Variants in M6PR observed in about 807,000 individuals in gnomAD.
M6PR encodes the protein mannose-6-phosphate receptor, cation dependent.
M6PR carries 19 observed loss-of-function variants against 33.1 expected under a neutral mutation model. That is an observed-to-expected ratio of 0.57 (90% CI 0.40 to 0.84). M6PR has a LOEUF of 0.84. M6PR is among the 40% of genes least tolerant of loss of function. M6PR has a pLI of 0.00. For missense variants in M6PR, 295 were observed against 336.0 expected (o/e 0.88, Z 0.95); for synonymous variants, 111 against 123.4 (o/e 0.90, Z 0.67).
In M6PR at chr12:8,945,592, G is replaced by A; in HGVS notation, c.177-8C>T. ...CCCACAGTGCTCTCAAAGCTGTAAA[G>A]AGAAGTGGGAAGAAAGAAGAGGAGA... On this transcript the variant is annotated splice_region_variant and splice_polypyrimidine_tract_variant and intron_variant, in intron 2 of 6. Coordinates refer to ENST00000000412, the MANE Select transcript of M6PR (RefSeq NM_002355.4). 1 of 1,612,244 alleles carries A rather than the reference G, an allele frequency of 6.2e-7. No individual in the cohort carries two copies. The highest frequency in any genetic ancestry group is 8.5e-7 in the Non-Finnish European group (1 of 1,178,836).
Position 8,942,385 on chromosome 12 carries a change from T to G in M6PR, c.711+31A>C, listed in dbSNP as rs41314135. On this transcript the variant is annotated intron_variant, in intron 6 of 6. Coordinates refer to ENST00000000412, the MANE Select transcript of M6PR (RefSeq NM_002355.4). ...TGGTCACCCAACCTTGTTTGCAGGC[T>G]ACAAATTCAACCAGCTGCCCTGTTA... 8.6e-4 allele frequency: 1,389 copies of G among 1,614,066 alleles called. 22 individuals are homozygous for G. In the East Asian group the frequency reaches 0.029, roughly 33 times the overall value.
At position 8,949,504 on chromosome 12, in the gene M6PR, G is replaced by A. The variant is rs969186941; in HGVS notation, c.-18C>T. 6.6e-6 allele frequency: 1 copy of A among 152,092 alleles called. No individual in the cohort carries two copies. 9.4% of individuals were successfully genotyped at this position (152,092 alleles called of 1,614,324 possible). A position where few individuals can be genotyped will look rare whatever the true frequency, so the allele number is the denominator to read the frequency against. ...CACACTCACGTGTCGTGGGAAACTG[G>A]AGTAGCCAAAGCTCAGAATCCCCAG... On this transcript the variant is annotated 5_prime_UTR_variant, in exon 1 of 7. Transcript: ENST00000000412. The surrounding 1 kb of genome is among the most constrained non-coding windows in gnomAD (Gnocchi z 5.6).
chr12:8,948,530 T>C (rs1946138957), intron 1 of M6PR, among the ~76,000 whole-genome samples: 1 of 152,182 alleles, frequency 6.6e-6, no homozygotes, highest in South Asian at 2.1e-4. Context: ...GAGAATGAAA[T>C]GGAAGGGCCC....
At position 8,942,359 on chromosome 12, in the gene M6PR, T is replaced by C. The variant is rs139206141; in HGVS notation, c.711+57A>G. On this transcript the variant is annotated intron_variant, in intron 6 of 6. Coordinates refer to ENST00000000412, the MANE Select transcript of M6PR (RefSeq NM_002355.4). Reference sequence around the variant, plus strand: ...CCTCAGTGTGAACAAACGAGGATGGTTGGTCACCCAACCTTGTTTGCAGGC... The same window carrying C: ...CCTCAGTGTGAACAAACGAGGATGGCTGGTCACCCAACCTTGTTTGCAGGC... The C allele has an allele frequency of 3.7e-6, 6 of 1,613,228 alleles. No individual in the cohort carries two copies. In the African/African-American group the frequency reaches 4.0e-5, roughly 11 times the overall value.
At chr12:8,943,032 C>G (rs1946044701) in intron 5 of M6PR, among the ~76,000 whole-genome samples, 1 of 151,568 alleles carries the variant, frequency 6.6e-6, no homozygotes, top group Non-Finnish European at 1.5e-5. Context: ...CAGCTCACTG[C>G]AACCTCCACC....
At chr12:8,943,939 T>C (rs914179556) in intron 3 of M6PR, 29 bp from the exon 4 acceptor site, 15 of 1,477,592 alleles carry the variant, frequency 1.0e-5, no homozygotes, top group African/African-American at 8.3e-5. Flanking sequence ...AATGGAGCTA[T>C]GGGGTGGGGG....
At chr12:8,942,047 GATA>G in intron 6 of M6PR, 107 bp from the exon 7 acceptor site, 1 of 1,241,636 alleles carries the variant, frequency 8.1e-7, no homozygotes. Flanking sequence ...TTTCTATAGG[GATA>G]ATGAGAAAAC....
chr12:8,945,548 G>A lies in M6PR; in HGVS notation c.213C>T (p.Tyr71=), dbSNP rs1946082290. 8 of 1,614,138 alleles carry A rather than the reference G, an allele frequency of 5.0e-6. No homozygotes were observed. The highest frequency in any genetic ancestry group is 5.9e-6 in the Non-Finnish European group (7 of 1,180,038). The change falls in exon 3 of 7, where the codon TAC becomes TAT. Residue 71 remains tyrosine (Y), a synonymous_variant. Coordinates refer to ENST00000000412, the MANE Select transcript of M6PR (RefSeq NM_002355.4). The part of the protein sequence containing the change: ...ESTVGQGSDT[Y]IYIFRVCREA... ...CCCGGCACACCCTGAAGATGTAGATGTATGTGTCTGAACCCTGGCCCACAG... is the reference window on the plus strand; with the variant it reads ...CCCGGCACACCCTGAAGATGTAGATATATGTGTCTGAACCCTGGCCCACAG...
At chr12:8,942,257 C>T in intron 6 of M6PR, 159 bp downstream of exon 6, 1 of 941,372 alleles carries the variant, frequency 1.1e-6, no homozygotes, top group East Asian at 2.6e-5. Context: ...CCACTTACTA[C>T]TCTGTACTAG....
rs745971842 is a variant in M6PR at position 8,945,663 on chromosome 12, T to G, written c.177-79A>C. ...GGAATAACAGCATCCCTTTCCTTAA[T>G]TAAAACAAAACAAACAACATGCTCG... On this transcript the variant is annotated intron_variant, in intron 2 of 6. Coordinates refer to ENST00000000412, the MANE Select transcript of M6PR (RefSeq NM_002355.4). The G allele has an allele frequency of 1.2e-4, 140 of 1,203,274 alleles. No individual in the cohort carries two copies. The African/African-American group carries it at 1.8e-3, about 16-fold the overall frequency. The allele number at this position is 1,203,274 out of a possible 1,614,324, so 74.5% of individuals were successfully genotyped here. A position where few individuals can be genotyped will look rare whatever the true frequency, so the allele number is the denominator to read the frequency against.
rs1945998828 is a variant in M6PR, at chr12:8,941,196, A to G, written c.*622T>C. 1 of 172,438 alleles carries G rather than the reference A, an allele frequency of 5.8e-6. No homozygotes were observed. Among genetic ancestry groups the G allele is most frequent in the Non-Finnish European group, 1.3e-5 (1 of 79,990 alleles). 10.7% of individuals were successfully genotyped at this position (172,438 alleles called of 1,614,324 possible). On this transcript the variant is annotated 3_prime_UTR_variant, in exon 7 of 7. Coordinates refer to ENST00000000412, the MANE Select transcript of M6PR (RefSeq NM_002355.4). The stretch of plus-strand genomic sequence containing the variant: ...TCCACAAATGATGTGATGGTACCGT[A>G]TAATCCTGTAATTGGGAAATTTCAC...
In M6PR at chr12:8,946,269, A is replaced by G. The variant is rs201993451; in HGVS notation, c.136T>C (p.Leu46=). 1.8e-5 allele frequency: 29 copies of G among 1,614,022 alleles called. No individual in the cohort carries two copies. The East Asian group carries it at 4.7e-4, about 26-fold the overall frequency. ...GGTTTCAGCCTCTTCACTAGAGCCAACTCTTTCTCTGACTCTTTACCCTTT... is the reference window on the plus strand; with the variant it reads ...GGTTTCAGCCTCTTCACTAGAGCCAGCTCTTTCTCTGACTCTTTACCCTTT... The part of the protein sequence containing the change: ...GEKGKESEKE[L]ALVKRLKPLF... The change falls in exon 2 of 7, where the codon TTG becomes CTG. Residue 46 remains leucine (L), a synonymous_variant. Coordinates refer to ENST00000000412, the MANE Select transcript of M6PR (RefSeq NM_002355.4).
chr12:8,947,928 C>T (rs911072074), intron 1 of M6PR, among the ~76,000 whole-genome samples: 38 of 151,952 alleles, frequency 2.5e-4, no homozygotes, highest in Admixed American at 3.3e-4. Context: ...AGACCTCCAA[C>T]TCCCACCTTC....
Position 8,942,460 on chromosome 12 carries a change from A to T in M6PR, c.667T>A (p.Phe223Ile), listed in dbSNP as rs1300901842. ...TCCTGCCAGAAGGCTAAGTGGGGAA[A>T]CTGCTCCATTCCTTTGGCTCCCACT... ...LVVGAKGMEQFPHLAFWQDLG... is the reference protein window; with the variant it reads ...LVVGAKGMEQIPHLAFWQDLG... Residue 223 changes from phenylalanine to isoleucine, a missense_variant, in exon 6 of 7, where the codon TTT (phenylalanine) becomes ATT (isoleucine). Physicochemically the swap from Phe to Ile is conservative, Grantham distance 21 (BLOSUM62 0). Transcript: ENST00000000412. The T allele has an allele frequency of 5.6e-6, 9 of 1,614,188 alleles. No homozygotes were observed. The highest frequency in any genetic ancestry group is 7.6e-6 in the Non-Finnish European group (9 of 1,180,030).
chr12:8,945,902 G>A (rs1946086998), intron 2 of M6PR, among the ~76,000 whole-genome samples: 1 of 152,080 alleles, frequency 6.6e-6, no homozygotes, highest in African/African-American at 2.4e-5. Context: ...CGTTTCTTAG[G>A]GACCAACTTC....
At chr12:8,943,605 C>G in intron 4 of M6PR, 70 bp from the exon 5 acceptor site, 1 of 1,586,728 alleles carries the variant, frequency 6.3e-7, no homozygotes, top group Non-Finnish European at 8.7e-7. Context: ...AAATAAAAAA[C>G]CCAAAAAACA....
intron 1 of M6PR, among the ~76,000 whole-genome samples, chr12:8,947,836 GTTTT>G (rs199863898): frequency 6.8e-6 from 1 of 146,590 alleles, no homozygotes; most frequent in African/African-American, 2.5e-5. Flanking sequence ...AAAACTGTGG[GTTTT>G]TTTTTTTTTC....
Position 8,946,214 on chromosome 12 carries a change from GTTC to G in M6PR, c.176+12_176+14del, listed in dbSNP as rs762776508. 6.2e-7 allele frequency: 1 copy of G among 1,608,086 alleles called. No homozygotes were observed. The highest frequency in any genetic ancestry group is 1.3e-5 in the African/African-American group (1 of 74,716). ...TAAATATTTTCTCAAGCTCTTTAAG[GTTC>G]TTCTCATTTACCTTTTATTAAACAG... On this transcript the variant is annotated intron_variant, in intron 2 of 6. Coordinates refer to ENST00000000412, the MANE Select transcript of M6PR (RefSeq NM_002355.4).
In M6PR at chr12:8,941,823, T is replaced by C. The variant is rs1946013410; in HGVS notation, c.829A>G (p.Met277Val). The C allele has an allele frequency of 1.2e-6, 2 of 1,614,066 alleles. No individual in the cohort carries two copies. Among genetic ancestry groups the C allele is most frequent in the Non-Finnish European group, 1.7e-6 (2 of 1,179,992 alleles). ...CTGGACATATAAAGTGCAATCTACA[T>C]TGGTAATAAATGGTCATCCCTTTCT... ...SEERDDHLLP[M>V] The change falls in exon 7 of 7, where the codon ATG (methionine) becomes GTG (valine). Residue 277 changes from methionine (M) to valine (V), a missense_variant. Met to Val is a conservative substitution (Grantham distance 21). Coordinates refer to ENST00000000412, the MANE Select transcript of M6PR (RefSeq NM_002355.4).
Sources: gnomAD v4.1 joint callset for allele counts (sites outside exome capture counted in the v4.1 genomes callset) on GRCh38, gnomAD v4.1.1 for gene constraint, Gnocchi (gnomAD v3.1) non-coding constraint, MANE v1.5 for transcripts, NCBI Gene and HGNC (gene_info 2026-07-23, HGNC 2026-07-21) for gene names.